Variants in ALK observed in about 807,000 individuals in gnomAD.
The protein encoded by ALK is ALK receptor tyrosine kinase.
Under a neutral mutation model 163.1 loss-of-function variants are expected in ALK, and 74 were observed. The observed-to-expected ratio is 0.45, with a 90% CI of 0.38 to 0.55. ALK has a LOEUF of 0.55. Among genes scored for constraint, ALK ranks in the 20% least tolerant of loss-of-function variants. The probability of loss-of-function intolerance (pLI) is 0.00; values close to 1 mark genes in which losing one functional copy is unlikely to be tolerated. For missense variants in ALK, 2,063 were observed against 2,105.3 expected (o/e 0.98, Z 0.39); for synonymous variants, 960 against 843.2 (o/e 1.14, Z -2.40).
In ALK at chr2:29,920,758, C is replaced by A. The variant is rs1667979298; in HGVS notation, c.-99G>T. 1 of 1,112,428 alleles carries A rather than the reference C, an allele frequency of 9.0e-7. No individual in the cohort carries two copies. The allele number at this position is 1,112,428 out of a possible 1,614,324, so 68.9% of individuals were successfully genotyped here. A position where few individuals can be genotyped will look rare whatever the true frequency, so the allele number is the denominator to read the frequency against. ...GCTCTGAACAGTCCTTGGTACCCAGCGGCTCCTTCCACCTGATCTCCAGAG... is the reference window on the plus strand; with the variant it reads ...GCTCTGAACAGTCCTTGGTACCCAGAGGCTCCTTCCACCTGATCTCCAGAG... On this transcript the variant is annotated 5_prime_UTR_variant, in exon 1 of 29. Coordinates refer to ENST00000389048, the MANE Select transcript of ALK (RefSeq NM_004304.5).
chr2:29,391,739 TATA>T (rs1477311316), intron 4 of ALK, among the ~76,000 whole-genome samples: 2 of 152,128 alleles, frequency 1.3e-5, no homozygotes, highest in Non-Finnish European at 2.9e-5. Flanking sequence ...TCAAGAGAAA[TATA>T]ATAATTAAGC....
intron 3 of ALK, among the ~76,000 whole-genome samples, chr2:29,551,119 T>C (rs1673703414): frequency 6.6e-6 from 1 of 152,214 alleles, no homozygotes; most frequent in Admixed American, 6.5e-5. Context: ...AACCTTAAAC[T>C]GTGCATATTC....
At chr2:29,196,971 G>C (rs1669038982) in intron 27 of ALK, 111 bp from the exon 28 acceptor site, 1 of 860,570 alleles carries the variant, frequency 1.2e-6, no homozygotes, top group Non-Finnish European at 1.9e-6. Flanking sequence ...AACTCGTCTA[G>C]GCCCCGTGTA....
rs141325058 is a variant in ALK, at chr2:29,622,729, C to G, written c.952+72121G>C. ...TCCACAGTTGGGCCAGCCCCCTCACCCCTCCTCTGCACATGCTCTTCCCTT... is the reference window on the plus strand; with the variant it reads ...TCCACAGTTGGGCCAGCCCCCTCACGCCTCCTCTGCACATGCTCTTCCCTT... On this transcript the variant is annotated intron_variant, in intron 3 of 28. Transcript: ENST00000389048. Among the ~76,000 whole-genome samples, 42 of 152,238 alleles carry G rather than the reference C, an allele frequency of 2.8e-4. 1 individual carries two copies. The highest frequency in any genetic ancestry group is 1.0e-3 in the African/African-American group (42 of 41,542).
At chr2:29,469,214 T>C (rs1225875094) in intron 4 of ALK, among the ~76,000 whole-genome samples, 1 of 152,176 alleles carries the variant, frequency 6.6e-6, no homozygotes, top group Non-Finnish European at 1.5e-5. Context: ...AATGAAAAGA[T>C]GAGTTTCCAG....
intron 1 of ALK, among the ~76,000 whole-genome samples, chr2:29,855,523 C>A (rs558161450): frequency 6.6e-6 from 1 of 152,152 alleles, no homozygotes; most frequent in Non-Finnish European, 1.5e-5. Flanking sequence ...TAGGCCTATA[C>A]ATAACCTTTA....
intron 1 of ALK, among the ~76,000 whole-genome samples, chr2:29,894,450 T>C (rs1469674548): frequency 1.3e-5 from 2 of 151,988 alleles, no homozygotes; most frequent in Non-Finnish European, 2.9e-5. Flanking sequence ...GAGGGCTACA[T>C]GAGAAATGGA....
rs774102270 is a variant in ALK, at chr2:29,240,570, C to T, written c.2205-740G>A. Among the ~76,000 whole-genome samples, 10 of 152,076 alleles carry T rather than the reference C, an allele frequency of 6.6e-5. No homozygotes were observed. In the East Asian group the frequency reaches 1.2e-3, roughly 18 times the overall value. ...ACTGAGGAGAGCAGTGTATATGAGC[C>T]GACTGTCTATTCCCATCTCACTGGT... On this transcript the variant is annotated intron_variant, in intron 12 of 28. Coordinates refer to ENST00000389048, the MANE Select transcript of ALK (RefSeq NM_004304.5).
Position 29,193,511 on chromosome 2 carries a change from CCTT to C in ALK, c.4573_4575del (p.Lys1525del), listed in dbSNP as rs755556501. ...CCCAGGTTACCCCTGTCGTGTGGCT[CCTT>C]CTTTGCTATAGGATTATTCTTTTTG... is the stretch of plus-strand genomic sequence containing the variant. On this transcript the variant is annotated inframe_deletion, in exon 29 of 29. Coordinates refer to ENST00000389048, the MANE Select transcript of ALK (RefSeq NM_004304.5). The C allele has an allele frequency of 1.4e-4, 220 of 1,614,030 alleles. No individual in the cohort carries two copies. The highest frequency in any genetic ancestry group is 6.8e-4 in the Admixed American group (41 of 59,994).
At chr2:29,770,903 TCACA>T (rs1198712002) in intron 1 of ALK, among the ~76,000 whole-genome samples, 23 of 149,640 alleles carry the variant, frequency 1.5e-4, no homozygotes, top group Admixed American at 4.0e-4. Flanking sequence ...ACACACAGTC[TCACA>T]CACAGTCACA....
intron 3 of ALK, among the ~76,000 whole-genome samples, chr2:29,620,159 C>T (rs1297988848): frequency 6.6e-6 from 1 of 152,110 alleles, no homozygotes; most frequent in East Asian, 1.9e-4. Flanking sequence ...TAAGGAAATC[C>T]CATTCACTGG....
chr2:29,558,054 T>C (rs1254588372), intron 3 of ALK, among the ~76,000 whole-genome samples: 1 of 152,230 alleles, frequency 6.6e-6, no homozygotes, highest in Non-Finnish European at 1.5e-5. Flanking sequence ...CTTTAAAAAC[T>C]CTTCTGGTTT....
intron 2 of ALK, among the ~76,000 whole-genome samples, chr2:29,716,001 A>C (rs1425926279): frequency 1.3e-5 from 2 of 152,184 alleles, no homozygotes; most frequent in Admixed American, 1.3e-4. Flanking sequence ...TGGTACAGAA[A>C]GGTACAGTTA....
intron 5 of ALK, among the ~76,000 whole-genome samples, chr2:29,380,608 T>A (rs1668872842): frequency 6.6e-6 from 1 of 150,882 alleles, no homozygotes; most frequent in Non-Finnish European, 1.5e-5. Context: ...TGTTTTTTGT[T>A]TTTTTAGTAG....
chr2:29,683,981 T>C (rs903312698), intron 3 of ALK, among the ~76,000 whole-genome samples: 1 of 152,240 alleles, frequency 6.6e-6, no homozygotes, highest in African/African-American at 2.4e-5. Context: ...TCAACTTACG[T>C]TGAACCAGTC....
chr2:29,299,819 C>G, intron 8 of ALK, among the ~76,000 whole-genome samples: 1 of 152,256 alleles, frequency 6.6e-6, no homozygotes, highest in South Asian at 2.1e-4. Flanking sequence ...TGGCATACCA[C>G]GAGTTCCATT....
chr2:29,526,864 C>T (rs1397579302), intron 4 of ALK, among the ~76,000 whole-genome samples: 1 of 152,232 alleles, frequency 6.6e-6, no homozygotes, highest in Non-Finnish European at 1.5e-5. Flanking sequence ...TGGCATCTTT[C>T]CACAGGTGCC....
chr2:29,572,404 C>T (rs1486341811), intron 3 of ALK, among the ~76,000 whole-genome samples: 2 of 152,150 alleles, frequency 1.3e-5, no homozygotes, highest in Non-Finnish European at 2.9e-5. Flanking sequence ...AAGCAAGGTC[C>T]TAGGGAAGCA....
intron 2 of ALK, among the ~76,000 whole-genome samples, chr2:29,712,709 G>A (rs1679137145): frequency 6.6e-6 from 1 of 152,114 alleles, no homozygotes; most frequent in African/African-American, 2.4e-5. Context: ...GATGGTGGCA[G>A]TGGCAGGGAA....
Sources: gnomAD v4.1 joint callset for allele counts (sites outside exome capture counted in the v4.1 genomes callset) on GRCh38, gnomAD v4.1.1 for gene constraint, MANE v1.5 for transcripts, NCBI Gene and HGNC (gene_info 2026-07-23, HGNC 2026-07-21) for gene names.